The following CACNA1A variants were observed in gnomAD, a reference collection of about 807,000 sequenced individuals.
CACNA1A encodes the protein calcium voltage-gated channel subunit alpha1 A.
In CACNA1A, 57 loss-of-function variants were observed where a neutral mutation model predicts 262.4. The ratio of observed to expected loss-of-function variants is 0.22; its 90% CI spans 0.18 to 0.27. CACNA1A has a LOEUF of 0.27. Ranked by LOEUF, CACNA1A falls within the 10% of genes least tolerant of loss-of-function variation. CACNA1A has a pLI of 1.00. For synonymous variants in CACNA1A, 1,431 were observed against 1,419.3 expected, an observed-to-expected ratio of 1.01 and a Z score of -0.18; for missense variants, 2,526 against 3,562.8, an observed-to-expected ratio of 0.71 and a Z score of 7.41.
At chr19:13,336,113 T>C (rs2058561057) in intron 6 of CACNA1A, among the ~76,000 whole-genome samples, 1 of 152,194 alleles carries the variant, frequency 6.6e-6, no homozygotes, top group African/African-American at 2.4e-5. Context: ...AGCTCTCTCT[T>C]AATTATGTTC....
intron 31 of CACNA1A, among the ~76,000 whole-genome samples, chr19:13,243,363 C>A (rs1435409940): frequency 6.6e-6 from 1 of 152,072 alleles, no homozygotes; most frequent in Non-Finnish European, 1.5e-5. Context: ...AGAATGGCCC[C>A]CTCTTTTGTG....
intron 3 of CACNA1A, among the ~76,000 whole-genome samples, chr19:13,422,203 C>T (rs551678002): frequency 4.3e-4 from 66 of 152,122 alleles, no homozygotes; most frequent in South Asian, 2.9e-3. Flanking sequence ...CACCTGTGGG[C>T]TCAGCTACTC....
chr19:13,426,538 A>T (rs2060406626), intron 3 of CACNA1A, among the ~76,000 whole-genome samples: 1 of 152,194 alleles, frequency 6.6e-6, no homozygotes. Flanking sequence ...AAGGTTGAGA[A>T]ATCCTGCTGT....
chr19:13,245,005 C>T, intron 31 of CACNA1A, 177 bp downstream of exon 31: 1 of 612,398 alleles, frequency 1.6e-6, no homozygotes. Context: ...ACAATGCCCT[C>T]CTGAGGGGCT....
At chr19:13,472,293 T>C (rs749209694) in intron 1 of CACNA1A, among the ~76,000 whole-genome samples, 2 of 151,888 alleles carry the variant, frequency 1.3e-5, no homozygotes, top group African/African-American at 2.4e-5. Flanking sequence ...GACAGGTAGA[T>C]AGATATGTAT....
At chr19:13,250,457 CAA>C (rs2056366867) in intron 30 of CACNA1A, among the ~76,000 whole-genome samples, 2 of 151,042 alleles carry the variant, frequency 1.3e-5, no homozygotes, top group African/African-American at 4.9e-5. Context: ...AGTGCAGTGG[CAA>C]GATCTCGGCT....
chr19:13,265,387 C>T (rs528852570), intron 24 of CACNA1A, among the ~76,000 whole-genome samples: 21 of 152,350 alleles, frequency 1.4e-4, no homozygotes, highest in African/African-American at 4.6e-4. Flanking sequence ...TCATTCTTCA[C>T]ACCATTTGCT....
intron 4 of CACNA1A, chr19:13,366,175 G>A (rs1599294472): frequency 6.6e-6 from 1 of 152,290 alleles, no homozygotes; most frequent in East Asian, 1.9e-4. Flanking sequence ...TGTTAGCCAG[G>A]ATGGTCTCGA....
At chr19:13,262,947 G>T (rs1323891070) in intron 24 of CACNA1A, 114 bp from the exon 25 acceptor site, 3 of 734,818 alleles carry the variant, frequency 4.1e-6, no homozygotes, top group Non-Finnish European at 7.4e-6. Flanking sequence ...AGAAGTCTGG[G>T]GTGAGCTTGG....
intron 1 of CACNA1A, among the ~76,000 whole-genome samples, chr19:13,478,657 A>G (rs772964852): frequency 1.6e-4 from 24 of 152,204 alleles, no homozygotes; most frequent in Non-Finnish European, 3.1e-4. Context: ...GAATTGGGCA[A>G]AGGTATAAGT....
chr19:13,234,093 T>A (rs2055774038), intron 34 of CACNA1A, among the ~76,000 whole-genome samples: 1 of 143,388 alleles, frequency 7.0e-6, no homozygotes, highest in South Asian at 2.2e-4. Context: ...CTCACGCCTG[T>A]AATCCCAGCA....
At chr19:13,416,916 T>C (rs2060232134) in intron 3 of CACNA1A, among the ~76,000 whole-genome samples, 1 of 152,184 alleles carries the variant, frequency 6.6e-6, no homozygotes. Context: ...GGAGGATTGT[T>C]GTGTATATTT....
chr19:13,503,217 T>C (rs1982596994), intron 1 of CACNA1A, among the ~76,000 whole-genome samples: 1 of 152,088 alleles, frequency 6.6e-6, no homozygotes, highest in South Asian at 2.1e-4. Context: ...TGTGACTCCA[T>C]TTACATGTTT....
intron 45 of CACNA1A, 139 bp from the exon 46 acceptor site, chr19:13,209,148 A>G: frequency 7.4e-7 from 1 of 1,353,890 alleles, no homozygotes; most frequent in Non-Finnish European, 1.0e-6. Context: ...GGTTGGGGGG[A>G]GGGGGTAGTA....
At chr19:13,438,822 G>A (rs538234859) in intron 3 of CACNA1A, among the ~76,000 whole-genome samples, 15 of 152,170 alleles carry the variant, frequency 9.9e-5, no homozygotes, top group Non-Finnish European at 2.1e-4. Context: ...GTAAATATGA[G>A]TTACACTAAG....
At chr19:13,277,268 C>T in intron 22 of CACNA1A, 140 bp from the exon 23 acceptor site, 3 of 603,942 alleles carry the variant, frequency 5.0e-6, no homozygotes, top group South Asian at 2.0e-5. Context: ...TTGCGCAGGG[C>T]GTGCACTGCA....
In CACNA1A at chr19:13,219,312, G is replaced by T. The variant is rs150290483; in HGVS notation, c.5732-4704C>A. Reference sequence around the variant, plus strand: ...CTACCTCGCCCTCCCAAAGTGCTGGGATTACAGGCGTGAGCCACCGTGCCC... The same window carrying T: ...CTACCTCGCCCTCCCAAAGTGCTGGTATTACAGGCGTGAGCCACCGTGCCC... On this transcript the variant is annotated intron_variant, in intron 38 of 46. Coordinates refer to ENST00000360228, the MANE Select transcript of CACNA1A (RefSeq NM_001127222.2). 7.1e-3 allele frequency among the ~76,000 whole-genome samples: 1,085 copies of T among 152,164 alleles called. 11 individuals carry two copies. The highest frequency in any genetic ancestry group is 0.025 in the African/African-American group (1,021 of 41,518).
intron 40 of CACNA1A, among the ~76,000 whole-genome samples, chr19:13,213,359 G>A (rs896835239): frequency 6.6e-6 from 1 of 152,044 alleles, no homozygotes; most frequent in African/African-American, 2.4e-5. Context: ...CTTTCTCAGG[G>A]AGGCTCCCCA....
intron 30 of CACNA1A, among the ~76,000 whole-genome samples, chr19:13,246,092 C>T (rs1161615212): frequency 1.8e-4 from 27 of 152,320 alleles, no homozygotes; most frequent in Admixed American, 6.5e-5. Context: ...CAGGTCCCCA[C>T]TAGGTTGGCA....
Sources: allele counts gnomAD v4.1 joint callset (sites outside exome capture counted in the v4.1 genomes callset), GRCh38; gene constraint gnomAD v4.1.1; transcripts MANE v1.5; gene names NCBI Gene and HGNC (gene_info 2026-07-23, HGNC 2026-07-21).